The following NOL4 variants were observed in gnomAD, a reference collection of about 807,000 sequenced individuals.
NOL4 encodes the protein nucleolar protein 4, also known as cancer/testis antigen 125.
In NOL4, 17 loss-of-function variants were observed where a neutral mutation model predicts 75.9. That is an observed-to-expected ratio of 0.22 (90% CI 0.15 to 0.34). NOL4 has a LOEUF of 0.34. NOL4 is among the 10% of genes least tolerant of loss of function. The pLI is 1.00. For synonymous variants in NOL4, 292 were observed against 289.9 expected (o/e 1.01, Z -0.07); for missense variants, 614 against 793.5 (o/e 0.77, Z 2.72).
chr18:33,863,287 G>A (rs1435716191), intron 10 of NOL4, among the ~76,000 whole-genome samples: 3 of 152,058 alleles, frequency 2.0e-5, no homozygotes, highest in Non-Finnish European at 1.5e-5. Flanking sequence ...AGGGGAAGGG[G>A]GGAGGGATAG....
chr18:34,172,599 AT>A (rs2033155832), intron 1 of NOL4, among the ~76,000 whole-genome samples: 1 of 152,064 alleles, frequency 6.6e-6, no homozygotes, highest in Non-Finnish European at 1.5e-5. Context: ...TGAGGAAACT[AT>A]ACTGTTTTCC....
chr18:33,974,387 G>C (rs2071330810), intron 6 of NOL4, among the ~76,000 whole-genome samples: 1 of 152,140 alleles, frequency 6.6e-6, no homozygotes, highest in Non-Finnish European at 1.5e-5. Flanking sequence ...CAGCAATAAA[G>C]CTGTTTTGCT....
intron 2 of NOL4, among the ~76,000 whole-genome samples, chr18:34,114,753 A>G (rs141225355): frequency 6.6e-6 from 1 of 152,324 alleles, no homozygotes; most frequent in Non-Finnish European, 1.5e-5. Flanking sequence ...AGGGCAAAGT[A>G]AAATGCTGGA....
intron 4 of NOL4, among the ~76,000 whole-genome samples, chr18:34,094,564 G>A (rs748638069): frequency 2.5e-4 from 38 of 152,140 alleles, no homozygotes; most frequent in Non-Finnish European, 8.8e-5. Flanking sequence ...TCATTTTTCT[G>A]AAGCAAACTT....
chr18:33,892,064 G>T (rs1266786637), intron 9 of NOL4, among the ~76,000 whole-genome samples: 1 of 152,052 alleles, frequency 6.6e-6, no homozygotes, highest in East Asian at 1.9e-4. Context: ...TGTTTTTAAA[G>T]AAAGGTTTTT....
chr18:34,214,732 A>T (rs982935779), intron 1 of NOL4, among the ~76,000 whole-genome samples: 1 of 152,086 alleles, frequency 6.6e-6, no homozygotes, highest in Non-Finnish European at 1.5e-5. Flanking sequence ...TTGCAGCACT[A>T]CTCACAATAA....
At chr18:34,188,100 G>A (rs2034629998) in intron 1 of NOL4, among the ~76,000 whole-genome samples, 1 of 152,138 alleles carries the variant, frequency 6.6e-6, no homozygotes, top group Admixed American at 6.5e-5. Flanking sequence ...AGTTATTTTT[G>A]TAGACACTGT....
At chr18:34,128,632 T>C (rs2080490923) in intron 2 of NOL4, among the ~76,000 whole-genome samples, 2 of 151,824 alleles carry the variant, frequency 1.3e-5, no homozygotes, top group African/African-American at 4.8e-5. Flanking sequence ...TGTGGCAGAT[T>C]TATGTAAGGA....
chr18:34,135,282 T>C (rs2080840962), intron 1 of NOL4, among the ~76,000 whole-genome samples: 1 of 152,120 alleles, frequency 6.6e-6, no homozygotes, highest in African/African-American at 2.4e-5. Flanking sequence ...AACAAGTGTA[T>C]GTCAACAAAT....
At chr18:34,171,114 A>G (rs945958881) in intron 1 of NOL4, among the ~76,000 whole-genome samples, 2 of 152,172 alleles carry the variant, frequency 1.3e-5, no homozygotes, top group African/African-American at 4.8e-5. Context: ...AAACTGCATT[A>G]TAACTGTAGT....
At chr18:34,050,903 T>C (rs2076599273) in intron 5 of NOL4, among the ~76,000 whole-genome samples, 1 of 151,982 alleles carries the variant, frequency 6.6e-6, no homozygotes, top group South Asian at 2.1e-4. Flanking sequence ...ACAATTTTTT[T>C]CTAAAAAGCC....
intron 10 of NOL4, among the ~76,000 whole-genome samples, chr18:33,860,315 T>C (rs976756077): frequency 5.3e-5 from 8 of 152,118 alleles, no homozygotes; most frequent in Non-Finnish European, 8.8e-5. Context: ...ACATCCTTTT[T>C]ACATTTCAAA....
intron 5 of NOL4, among the ~76,000 whole-genome samples, chr18:34,069,381 C>G (rs1475022181): frequency 6.6e-6 from 1 of 152,090 alleles, no homozygotes; most frequent in African/African-American, 2.4e-5. Context: ...AAGTGGAAAA[C>G]AGATGGTCAG....
intron 10 of NOL4, among the ~76,000 whole-genome samples, chr18:33,854,039 C>T (rs2062734662): frequency 6.6e-6 from 1 of 152,068 alleles, no homozygotes; most frequent in Non-Finnish European, 1.5e-5. Flanking sequence ...AAATTTAAAT[C>T]CTTGAATAAA....
chr18:34,141,565 C>G (rs1454491724), intron 1 of NOL4, among the ~76,000 whole-genome samples: 4 of 152,026 alleles, frequency 2.6e-5, no homozygotes, highest in African/African-American at 9.7e-5. Flanking sequence ...ACAAACCTGA[C>G]AAAAACAAGA....
intron 1 of NOL4, among the ~76,000 whole-genome samples, chr18:34,166,225 A>G (rs1015982427): frequency 1.3e-5 from 2 of 152,178 alleles, no homozygotes; most frequent in Admixed American, 1.3e-4. Flanking sequence ...ATATAACATT[A>G]TAGTTTATCT....
At chr18:33,867,526 ACTGT>A (rs1165947234) in intron 10 of NOL4, among the ~76,000 whole-genome samples, 1 of 151,984 alleles carries the variant, frequency 6.6e-6, no homozygotes, top group East Asian at 1.9e-4. Flanking sequence ...AAAGAATAAA[ACTGT>A]CTGGTATTTC....
chr18:34,195,641 A>T (rs79608797), intron 1 of NOL4, among the ~76,000 whole-genome samples: 1 of 151,748 alleles, frequency 6.6e-6, no homozygotes, highest in South Asian at 2.1e-4. Context: ...AAAAAAAAAA[A>T]GCTATTTAAA....
chr18:34,201,102 AAGAG>A (rs758166724), intron 1 of NOL4, among the ~76,000 whole-genome samples: 12 of 151,796 alleles, frequency 7.9e-5, no homozygotes, highest in Admixed American at 5.9e-4. Flanking sequence ...AGGCAGCAGA[AAGAG>A]AGAGCAAGAG....
Sources: gnomAD v4.1 joint callset for allele counts (sites outside exome capture counted in the v4.1 genomes callset) on GRCh38, gnomAD v4.1.1 for gene constraint, MANE v1.5 for transcripts, NCBI Gene and HGNC (gene_info 2026-07-23, HGNC 2026-07-21) for gene names.